The following KMT2E variants were observed in gnomAD, a reference collection of about 807,000 sequenced individuals.
KMT2E encodes the protein lysine methyltransferase 2E (inactive).
In KMT2E, 30 loss-of-function variants were observed where a neutral mutation model predicts 184.6. That is an observed-to-expected ratio of 0.16 (90% confidence interval 0.12 to 0.22). KMT2E has a LOEUF of 0.22. Among genes scored for constraint, KMT2E ranks in the 10% least tolerant of loss-of-function variants. The probability of loss-of-function intolerance (pLI) is 1.00; values close to 1 mark genes in which losing one functional copy is unlikely to be tolerated. For synonymous variants in KMT2E, 815 were observed against 776.5 expected (o/e 1.05, Z -0.82); for missense variants, 2,023 against 2,237.4 (o/e 0.90, Z 1.93).
At position 105,036,939 on chromosome 7, in the gene KMT2E, C is replaced by G. The variant is rs554855401; in HGVS notation, c.-188-1187C>G. On this transcript the variant is annotated intron_variant, in intron 1 of 26. Transcript: ENST00000311117. ...CAGTGAAATGACTTGCCCAAGCATTCGTAGGTAGTAACTTGGAATGGATCT... is the reference window on the plus strand; with the variant it reads ...CAGTGAAATGACTTGCCCAAGCATTGGTAGGTAGTAACTTGGAATGGATCT... 3.9e-5 allele frequency among the ~76,000 whole-genome samples: 6 copies of G among 152,212 alleles called. No individual in the cohort carries two copies. In the East Asian group the frequency reaches 1.2e-3, roughly 29 times the overall value.
At chr7:105,068,552 C>T (rs1584753654) in intron 6 of KMT2E, among the ~76,000 whole-genome samples, 1 of 150,918 alleles carries the variant, frequency 6.6e-6, no homozygotes. Context: ...TCAGGTGATT[C>T]TCCCATCCTT....
At chr7:105,051,675 G>A (rs1419089706) in intron 3 of KMT2E, among the ~76,000 whole-genome samples, 8 of 151,828 alleles carry the variant, frequency 5.3e-5, no homozygotes, top group African/African-American at 1.9e-4. Flanking sequence ...CTGGAGTGCA[G>A]TGGCACAATA....
intron 8 of KMT2E, among the ~76,000 whole-genome samples, chr7:105,075,429 G>T (rs181859231): frequency 0.014 from 2,178 of 152,116 alleles, 21 homozygotes; most frequent in South Asian, 0.039. Context: ...TTACCACAGT[G>T]CATATTACTT....
chr7:105,102,923 C>T (rs890352660), intron 17 of KMT2E: 1 of 152,140 alleles, frequency 6.6e-6, no homozygotes, highest in African/African-American at 2.4e-5. Flanking sequence ...ATGACATGTA[C>T]ATTTAGTAAA....
At chr7:105,061,327 T>G (rs950651384) in intron 3 of KMT2E, among the ~76,000 whole-genome samples, 1 of 152,094 alleles carries the variant, frequency 6.6e-6, no homozygotes, top group East Asian at 1.9e-4. Flanking sequence ...TCATGAAAAA[T>G]TTTTCAAGTG....
At position 105,091,323 on chromosome 7, in the gene KMT2E, G is replaced by A. The variant is rs201488615; in HGVS notation, c.1722+9G>A. ...AAAGGAAAAGGAAGATGGTAAGTTG[G>A]GAAGCCAGTAGTTTGGGCTTAGTGA... On this transcript the variant is annotated intron_variant, in intron 15 of 26. Coordinates refer to ENST00000311117, the MANE Select transcript of KMT2E (RefSeq NM_182931.3). 4.2e-4 allele frequency: 649 copies of A among 1,534,094 alleles called. 1 individual carries two copies. The highest frequency in any genetic ancestry group is 2.0e-4 in the Non-Finnish European group (227 of 1,107,428).
chr7:105,018,302 G>A (rs1439567380), intron 1 of KMT2E, among the ~76,000 whole-genome samples: 1 of 152,034 alleles, frequency 6.6e-6, no homozygotes, highest in African/African-American at 2.4e-5. Flanking sequence ...TATCAAAACT[G>A]GTTAGGAAAT....
chr7:105,096,047 G>A (rs141312074), intron 15 of KMT2E, among the ~76,000 whole-genome samples: 18 of 152,208 alleles, frequency 1.2e-4, no homozygotes, highest in South Asian at 2.1e-4. Context: ...TTGAGTCCAC[G>A]AGTTCGAGAC....
Position 105,073,642 on chromosome 7 carries a change from T to C in KMT2E, c.521T>C (p.Val174Ala). Residue 174 changes from valine (V) to alanine (A), a missense_variant, in exon 7 of 27, where the codon GTG becomes GCG. Val to Ala is a moderately conservative substitution (Grantham distance 64). Transcript: ENST00000311117. ...QPRNLDKERA[V>A]LLQRRKRENM... is the part of the protein sequence containing the mutation. ...AGGAATTTGGATAAAGAGAGGGCAG[T>C]GCTACTACAACGCCGGAAAAGGGAA... 6.2e-7 allele frequency: 1 copy of C among 1,606,168 alleles called. No individual in the cohort carries two copies. Among genetic ancestry groups the C allele is most frequent in the Non-Finnish European group, 8.5e-7 (1 of 1,173,358 alleles).
chr7:105,062,046 G>C, intron 3 of KMT2E, 118 bp from the exon 4 acceptor site: 1 of 691,320 alleles, frequency 1.4e-6, no homozygotes, highest in Non-Finnish European at 2.6e-6. Context: ...CCTGCTGTAA[G>C]TAGATACTGT....
At chr7:105,097,359 G>C (rs561736590) in intron 15 of KMT2E, among the ~76,000 whole-genome samples, 1 of 152,162 alleles carries the variant, frequency 6.6e-6, no homozygotes, top group East Asian at 1.9e-4. Flanking sequence ...TGACATTGTG[G>C]TGTTAGTGAA....
At position 105,112,118 on chromosome 7, in the gene KMT2E, C is replaced by A. The variant is rs528190319; in HGVS notation, c.4362C>A (p.Ser1454=). ...ACCTAGAAAATCCTCCAAAGTCATC[C>A]ACGCCTCACACACCTGTACAGCATG... is the stretch of plus-strand genomic sequence containing the variant. ...SPHLENPPKS[S]TPHTPVQHGY... is the part of the protein sequence containing the mutation. Residue 1454 remains serine (S), a synonymous_variant, in exon 27 of 27, where the codon TCC becomes TCA. Coordinates refer to ENST00000311117, the MANE Select transcript of KMT2E (RefSeq NM_182931.3). 6.2e-7 allele frequency: 1 copy of A among 1,614,160 alleles called. No individual in the cohort carries two copies. Among genetic ancestry groups the A allele is most frequent in the South Asian group, 1.1e-5 (1 of 91,080 alleles).
rs913857764 is a variant in KMT2E at position 105,109,073 on chromosome 7, C to T, written c.3600C>T (p.Ala1200=). ...TGAGCAACAATGGTGATGGCTGTGC[C>T]AGCAGTAATGACAATGGGGAGCAGG... is the stretch of plus-strand genomic sequence containing the variant. The part of the protein sequence containing the change: ...GSLSNNGDGC[A]SSNDNGEQVD... Residue 1200 remains alanine, a synonymous_variant, in exon 23 of 27, where the codon GCC becomes GCT. Coordinates refer to ENST00000311117, the MANE Select transcript of KMT2E (RefSeq NM_182931.3). 6.2e-7 allele frequency: 1 copy of T among 1,614,030 alleles called. No individual in the cohort carries two copies. The highest frequency in any genetic ancestry group is 1.3e-5 in the African/African-American group (1 of 74,916).
chr7:105,086,226 A>G (rs1264976006), intron 13 of KMT2E, among the ~76,000 whole-genome samples: 1 of 152,098 alleles, frequency 6.6e-6, no homozygotes, highest in African/African-American at 2.4e-5. Context: ...CTTTCTGAAC[A>G]TGTCTGCATG....
In KMT2E at chr7:105,077,144, A is replaced by G. The variant is rs748730435; in HGVS notation, c.950A>G (p.Asn317Ser). The change falls in exon 10 of 27, where the codon AAT (asparagine) becomes AGT (serine). Residue 317 changes from asparagine (N) to serine (S), a missense_variant. Physicochemically the swap from Asn to Ser is conservative, Grantham distance 46. Around this residue, in one of 8 missense-constraint regions of KMT2E, gnomAD observed 191 missense variants for 209.0 expected, o/e 0.91. Coordinates refer to ENST00000311117, the MANE Select transcript of KMT2E (RefSeq NM_182931.3). ...AATGGAAATGACAAAAAAGAGATGAATAAATCCGATTTGAATACCAACAAT... is the reference window on the plus strand; with the variant it reads ...AATGGAAATGACAAAAAAGAGATGAGTAAATCCGATTTGAATACCAACAAT... ...LGNGNDKKEM[N>S]KSDLNTNNLL... is the part of the protein sequence containing the mutation. The G allele has an allele frequency of 1.9e-6, 3 of 1,614,098 alleles. No homozygotes were observed. The highest frequency in any genetic ancestry group is 1.7e-6 in the Non-Finnish European group (2 of 1,179,992).
At chr7:105,047,563 C>A (rs367902317) in intron 3 of KMT2E, among the ~76,000 whole-genome samples, 1 of 152,186 alleles carries the variant, frequency 6.6e-6, no homozygotes, top group African/African-American at 2.4e-5. Flanking sequence ...ATTTGTTGAG[C>A]GCTGCTGTGC....
intron 9 of KMT2E, 91 bp from the exon 10 acceptor site, chr7:105,076,872 T>TTGTGTG (rs10598888): frequency 2.4e-4 from 152 of 632,404 alleles, no homozygotes; most frequent in South Asian, 9.7e-4. Context: ...GCCGTTAATT[T>TTGTGTG]TGTGTGTGTG....
intron 1 of KMT2E, among the ~76,000 whole-genome samples, chr7:105,034,911 A>G (rs1319344848): frequency 6.6e-6 from 1 of 151,818 alleles, no homozygotes; most frequent in East Asian, 1.9e-4. Flanking sequence ...TCTGGAGTGC[A>G]GTGGTGCAAT....
At chr7:105,071,592 A>ATATG (rs1797302974) in intron 6 of KMT2E, among the ~76,000 whole-genome samples, 1 of 54,306 alleles carries the variant, frequency 1.8e-5, no homozygotes, top group African/African-American at 6.8e-5. Flanking sequence ...GTATATATAT[A>ATATG]TATATATATA....
Sources: allele counts gnomAD v4.1 joint callset (sites outside exome capture counted in the v4.1 genomes callset), GRCh38; gene constraint gnomAD v4.1.1; regional missense constraint gnomAD v4.1.1; transcripts MANE v1.5; gene names NCBI Gene and HGNC (gene_info 2026-07-23, HGNC 2026-07-21).